IL22RA1: variants seen among roughly 807,000 people sequenced by gnomAD.
IL22RA1 encodes the protein interleukin 22 receptor subunit alpha 1, also known as interleukin-22 receptor subunit alpha-1.
Under a neutral mutation model 32.8 loss-of-function variants are expected in IL22RA1, and 25 were observed. That is an observed-to-expected ratio of 0.76 (90% CI 0.55 to 1.06). IL22RA1 has a LOEUF of 1.06. Ranked by LOEUF, IL22RA1 falls within the 50% of genes least tolerant of loss-of-function variation. The pLI, the probability that IL22RA1 is intolerant of heterozygous loss-of-function variation, is 0.00. For synonymous variants in IL22RA1, 305 were observed against 305.0 expected, an observed-to-expected ratio of 1.00 and a Z score of 0.00; for missense variants, 709 against 727.4, an observed-to-expected ratio of 0.97 and a Z score of 0.29.
intron 4 of IL22RA1, among the ~76,000 whole-genome samples, chr1:24,131,332 T>C (rs1644203480): frequency 6.6e-6 from 1 of 152,214 alleles, no homozygotes; most frequent in South Asian, 2.1e-4. Context: ...TTATGGCATG[T>C]GAATTAATGT....
intron 4 of IL22RA1, among the ~76,000 whole-genome samples, chr1:24,130,044 A>C (rs1003724285): frequency 6.6e-6 from 1 of 152,202 alleles, no homozygotes; most frequent in South Asian, 2.1e-4. Context: ...CTAGTAATTT[A>C]TATCTTCTAT....
chr1:24,121,796 C>T, intron 6 of IL22RA1, 59 bp from the exon 7 acceptor site: 1 of 1,352,348 alleles, frequency 7.4e-7, no homozygotes, highest in Non-Finnish European at 9.7e-7. Flanking sequence ...AAGCTCCCTA[C>T]TGGTGATGTG....
chr1:24,138,825 C>T, intron 1 of IL22RA1, 111 bp from the exon 2 acceptor site: 1 of 1,322,930 alleles, frequency 7.6e-7, no homozygotes, highest in Non-Finnish European at 1.0e-6. Context: ...AGTGCCTTTG[C>T]TTTCAAGATG....
intron 4 of IL22RA1, among the ~76,000 whole-genome samples, chr1:24,133,125 G>A (rs1297436650): frequency 1.3e-5 from 2 of 151,038 alleles, no homozygotes; most frequent in African/African-American, 2.4e-5. Flanking sequence ...CTTCCAGAAA[G>A]CCAATACCAA....
intron 4 of IL22RA1, among the ~76,000 whole-genome samples, chr1:24,132,808 C>T (rs1193087330): frequency 6.6e-6 from 1 of 151,576 alleles, no homozygotes; most frequent in Non-Finnish European, 1.5e-5. Flanking sequence ...TGAGACCAGC[C>T]TGGGCAACAC....
chr1:24,138,861 C>A, intron 1 of IL22RA1, 147 bp from the exon 2 acceptor site: 1 of 911,720 alleles, frequency 1.1e-6, no homozygotes. Flanking sequence ...GGCAGGGAGA[C>A]CCTGGCCCCC....
chr1:24,135,786 C>T (rs567931960), intron 3 of IL22RA1, among the ~76,000 whole-genome samples: 3 of 152,310 alleles, frequency 2.0e-5, no homozygotes, highest in Admixed American at 1.3e-4. Flanking sequence ...AACGTACCCA[C>T]TATCATGAGA....
chr1:24,120,661 C>T lies in IL22RA1; in HGVS notation c.*144G>A, dbSNP rs1644113346. 1 of 755,846 alleles carries T rather than the reference C, an allele frequency of 1.3e-6. No individual in the cohort carries two copies. The allele number at this position is 755,846 out of a possible 1,614,324, so 46.8% of individuals were successfully genotyped here. A position where few individuals can be genotyped will look rare whatever the true frequency, so the allele number is the denominator to read the frequency against. On this transcript the variant is annotated 3_prime_UTR_variant, in exon 7 of 7. Transcript: ENST00000270800. ...GAGCGCACCCATGGCAGGGGCCCTGCATGCCACTCCCTCTGCTTCTCTCAA... is the reference window on the plus strand; with the variant it reads ...GAGCGCACCCATGGCAGGGGCCCTGTATGCCACTCCCTCTGCTTCTCTCAA...
At chr1:24,131,370 G>C (rs191908915) in intron 4 of IL22RA1, among the ~76,000 whole-genome samples, 267 of 152,350 alleles carry the variant, frequency 1.8e-3, no homozygotes, top group Admixed American at 4.2e-3. Context: ...TGTCAGAGCT[G>C]TCTGCAAGAG....
In IL22RA1 at chr1:24,134,383, G is replaced by C; in HGVS notation, c.359C>G (p.Thr120Ser). 8 of 1,500,774 alleles carry C rather than the reference G, an allele frequency of 5.3e-6. No homozygotes were observed. Among genetic ancestry groups the C allele is most frequent in the Non-Finnish European group, 7.1e-6 (8 of 1,119,944 alleles). The allele number at this position is 1,500,774 out of a possible 1,614,324, so 93.0% of individuals were successfully genotyped here. The change falls in exon 4 of 7, where the codon ACC (threonine) becomes AGC (serine). Residue 120 changes from threonine to serine, a missense_variant. Transcript: ENST00000270800. Reference sequence around the variant, plus strand: ...ACAGGTCACATCAGGTGGCTTGAGGGTAGCTGGGGATAGGGAGAGAGAAAA... The same window carrying C: ...ACAGGTCACATCAGGTGGCTTGAGGCTAGCTGGGGATAGGGAGAGAGAAAA... ...TDRFSSLQHT[T>S]LKPPDVTCIS...
At chr1:24,128,117 C>T in intron 5 of IL22RA1, 24 bp downstream of exon 5, 2 of 1,496,218 alleles carry the variant, frequency 1.3e-6, no homozygotes, top group Non-Finnish European at 1.8e-6. Flanking sequence ...AGCCCCACCT[C>T]CCTCTGGTTT....
intron 2 of IL22RA1, among the ~76,000 whole-genome samples, chr1:24,138,034 G>C (rs929674894): frequency 2.0e-5 from 3 of 152,062 alleles, no homozygotes; most frequent in African/African-American, 7.2e-5. Flanking sequence ...CTTGCTACAG[G>C]ACAACGTGGC....
intron 1 of IL22RA1, among the ~76,000 whole-genome samples, chr1:24,141,094 C>T (rs1011098228): frequency 2.6e-5 from 4 of 152,236 alleles, no homozygotes; most frequent in Admixed American, 1.3e-4. Flanking sequence ...TCTGGCCCAG[C>T]AGCTGCAAAA....
intron 2 of IL22RA1, 80 bp from the exon 3 acceptor site, chr1:24,137,389 G>A: frequency 7.6e-7 from 1 of 1,322,060 alleles, no homozygotes. Flanking sequence ...TAATGCCAAG[G>A]AGATCTGATA....
chr1:24,122,062 G>A (rs1306838329), intron 6 of IL22RA1, among the ~76,000 whole-genome samples: 2 of 152,190 alleles, frequency 1.3e-5, no homozygotes, highest in African/African-American at 4.8e-5. Flanking sequence ...TCTCGAGGTG[G>A]TGGCCCGCAT....
intron 1 of IL22RA1, 111 bp downstream of exon 1, chr1:24,142,929 G>C (rs1460296048): frequency 2.9e-6 from 3 of 1,043,060 alleles, no homozygotes; most frequent in Non-Finnish European, 4.4e-6. Flanking sequence ...CCCTAGCAGG[G>C]GAGAAACTGA....
At position 24,125,721 on chromosome 1, in the gene IL22RA1, A is replaced by G. The variant is rs191423405; in HGVS notation, c.671-2298T>C. On this transcript the variant is annotated intron_variant, in intron 5 of 6. Coordinates refer to ENST00000270800, the MANE Select transcript of IL22RA1 (RefSeq NM_021258.4). ...CTGAGCCAGAGTTCCTCCTCTGTAAAACGAGGATGATGCTACCCAGCTTAC... is the reference window on the plus strand; with the variant it reads ...CTGAGCCAGAGTTCCTCCTCTGTAAGACGAGGATGATGCTACCCAGCTTAC... 3.6e-3 allele frequency among the ~76,000 whole-genome samples: 546 copies of G among 152,322 alleles called. 4 individuals carry two copies. Among genetic ancestry groups the G allele is most frequent in the African/African-American group, 0.012 (508 of 41,550 alleles).
rs370150770 is a variant in IL22RA1, at chr1:24,123,665, CAAA to C, written c.671-245_671-243del. 2.4e-4 allele frequency: 213 copies of C among 900,462 alleles called. 2 individuals carry two copies. Among genetic ancestry groups the C allele is most frequent in the Middle Eastern group, 2.3e-3 (9 of 3,882 alleles). 55.8% of individuals were successfully genotyped at this position (900,462 alleles called of 1,614,324 possible). ...AAAATGTTCGAGGTTTCCACCTTAA[CAAA>C]AAGATTTTTTACAACCACCTGGGAT... On this transcript the variant is annotated intron_variant, in intron 5 of 6. Coordinates refer to ENST00000270800, the MANE Select transcript of IL22RA1 (RefSeq NM_021258.4).
intron 1 of IL22RA1, among the ~76,000 whole-genome samples, chr1:24,139,200 T>C (rs967245226): frequency 2.6e-5 from 4 of 152,246 alleles, no homozygotes; most frequent in Admixed American, 6.5e-5. Context: ...ACTTTTTATG[T>C]AAATAGAGCT....
Sources: allele counts gnomAD v4.1 joint callset (sites outside exome capture counted in the v4.1 genomes callset), GRCh38; gene constraint gnomAD v4.1.1; transcripts MANE v1.5; gene names NCBI Gene and HGNC (gene_info 2026-07-23, HGNC 2026-07-21).